Variants in CPNE8 observed in about 807,000 individuals in gnomAD.
CPNE8 encodes copine-8.
A neutral mutation model predicts 81.5 loss-of-function variants in CPNE8; 45 were observed. The ratio of observed to expected loss-of-function variants is 0.55; its 90% CI spans 0.44 to 0.71. The LOEUF (loss-of-function observed/expected upper bound fraction) is 0.71. CPNE8 is among the 30% of genes least tolerant of loss of function. CPNE8 has a pLI of 0.00. For missense variants in CPNE8, 594 were observed against 672.1 expected, an observed-to-expected ratio of 0.88 and a Z score of 1.28; for synonymous variants, 252 against 226.3, an observed-to-expected ratio of 1.11 and a Z score of -1.02.
chr12:38,865,118 A>C (rs375868870), intron 3 of CPNE8, among the ~76,000 whole-genome samples: 13 of 152,186 alleles, frequency 8.5e-5, no homozygotes, highest in African/African-American at 2.9e-4. Context: ...AAAGTAGGAT[A>C]TCTTTACCCA....
At chr12:38,730,447 C>CA (rs531479722) in intron 10 of CPNE8, 89 bp from the exon 11 acceptor site, 4 of 617,980 alleles carry the variant, frequency 6.5e-6, no homozygotes, top group South Asian at 4.6e-5. Context: ...TAATCATTAT[C>CA]AAAAAAATGC....
chr12:38,885,774 G>T (rs1944229459), intron 1 of CPNE8, among the ~76,000 whole-genome samples: 1 of 152,112 alleles, frequency 6.6e-6, no homozygotes, highest in African/African-American at 2.4e-5. Context: ...GGCCGGGTGG[G>T]AGGTGACTGG....
At chr12:38,693,555 T>C (rs1939725543) in intron 15 of CPNE8, 102 bp downstream of exon 15, 1 of 1,016,762 alleles carries the variant, frequency 9.8e-7, no homozygotes, top group Non-Finnish European at 1.4e-6. Context: ...CTACAGTCAG[T>C]AAAGCTTGCT....
intron 1 of CPNE8, among the ~76,000 whole-genome samples, chr12:38,874,771 C>T (rs534501685): frequency 2.6e-5 from 4 of 152,214 alleles, no homozygotes; most frequent in African/African-American, 9.6e-5. Context: ...AATAACATGA[C>T]TCCTTACATC....
chr12:38,905,490 G>T lies in CPNE8; in HGVS notation c.45C>A (p.Asn15Lys). 6.3e-7 allele frequency: 1 copy of T among 1,577,160 alleles called. No homozygotes were observed. Among genetic ancestry groups the T allele is most frequent in the South Asian group, 1.2e-5 (1 of 86,092 alleles). ...YNSTAGIGDL[N>K]QLSAAIPATR... The stretch of plus-strand genomic sequence containing the variant: ...TGGCCGGGATGGCAGCGCTCAGCTG[G>T]TTCAAGTCCCCGATGCCCGCAGTGC... The change falls in exon 1 of 20, where the codon AAC becomes AAA. Residue 15 changes from asparagine (N) to lysine (K), a missense_variant. Transcript: ENST00000331366.
chr12:38,751,037 T>C (rs950754522), intron 10 of CPNE8, among the ~76,000 whole-genome samples: 1 of 152,152 alleles, frequency 6.6e-6, no homozygotes, highest in Non-Finnish European at 1.5e-5. Flanking sequence ...TGAGATCTGA[T>C]GGTTTTGAAA....
chr12:38,704,830 A>G (rs973362752), intron 13 of CPNE8, among the ~76,000 whole-genome samples: 7 of 64,318 alleles, frequency 1.1e-4, no homozygotes, highest in African/African-American at 2.4e-4. Context: ...GTATGTGTAT[A>G]TATATATATA....
intron 19 of CPNE8, among the ~76,000 whole-genome samples, chr12:38,659,183 A>G (rs2455609): frequency 0.097 from 14,677 of 151,386 alleles, 894 homozygotes; most frequent in East Asian, 0.24. Flanking sequence ...TAGGCTCAAA[A>G]TGAAGGGATG....
At chr12:38,798,887 G>C (rs1350244014) in intron 6 of CPNE8, among the ~76,000 whole-genome samples, 1 of 152,046 alleles carries the variant, frequency 6.6e-6, no homozygotes, top group African/African-American at 2.4e-5. Context: ...AAAAAAGGCA[G>C]GGGTTGAAAT....
At chr12:38,793,755 C>T (rs1942386080) in intron 6 of CPNE8, among the ~76,000 whole-genome samples, 1 of 151,810 alleles carries the variant, frequency 6.6e-6, no homozygotes. Context: ...CGAGGGACTC[C>T]AAATAGCCAA....
chr12:38,662,402 T>C (rs1938978861), intron 19 of CPNE8, among the ~76,000 whole-genome samples: 1 of 152,122 alleles, frequency 6.6e-6, no homozygotes, highest in Non-Finnish European at 1.5e-5. Context: ...CAATCTCATT[T>C]ATAATAGCCA....
chr12:38,881,476 AC>A (rs1348649009), intron 1 of CPNE8, among the ~76,000 whole-genome samples: 1 of 152,176 alleles, frequency 6.6e-6, no homozygotes, highest in Non-Finnish European at 1.5e-5. Flanking sequence ...TACCCAACAG[AC>A]ACTAGGGATA....
In CPNE8 at chr12:38,784,670, G is replaced by A. The variant is rs145046936; in HGVS notation, c.408-8369C>T. ...CACACAAAGTGGCTCCAATATGTCCGGCAGCAGACTTTTCAGTGAAATCTT... is the reference window on the plus strand; with the variant it reads ...CACACAAAGTGGCTCCAATATGTCCAGCAGCAGACTTTTCAGTGAAATCTT... On this transcript the variant is annotated intron_variant, in intron 6 of 19. Coordinates refer to ENST00000331366, the MANE Select transcript of CPNE8 (RefSeq NM_153634.3). Among the ~76,000 whole-genome samples, 311 of 152,156 alleles carry A rather than the reference G, an allele frequency of 2.0e-3. 2 individuals carry two copies. The highest frequency in any genetic ancestry group is 7.3e-3 in the African/African-American group (302 of 41,536).
intron 1 of CPNE8, among the ~76,000 whole-genome samples, chr12:38,876,634 T>C (rs1412403017): frequency 6.6e-6 from 1 of 152,222 alleles, no homozygotes; most frequent in Non-Finnish European, 1.5e-5. Flanking sequence ...CTTTGTATAA[T>C]GACAAGTAAA....
chr12:38,834,023 G>A (rs1943342502), intron 5 of CPNE8, among the ~76,000 whole-genome samples: 1 of 152,130 alleles, frequency 6.6e-6, no homozygotes, highest in African/African-American at 2.4e-5. Context: ...GAGCAATGAT[G>A]AGAATGGCAG....
intron 3 of CPNE8, among the ~76,000 whole-genome samples, chr12:38,866,817 C>T (rs1214372493): frequency 6.6e-6 from 1 of 152,120 alleles, no homozygotes; most frequent in East Asian, 1.9e-4. Context: ...TGTTGAGAGG[C>T]TAAATTCGGG....
In CPNE8 at chr12:38,775,767, ACTTCC is replaced by A. The variant is rs1212397283; in HGVS notation, c.471+466_471+470del. Among the ~76,000 whole-genome samples, 6 of 152,160 alleles carry A rather than the reference ACTTCC, an allele frequency of 3.9e-5. No individual in the cohort carries two copies. In the East Asian group the frequency reaches 7.7e-4, roughly 20 times the overall value. On this transcript the variant is annotated intron_variant, in intron 7 of 19. Transcript: ENST00000331366. ...CAGCTAATCCTTTCTTCAAATGTGG[ACTTCC>A]CAAGCTAACAAGAGATGGAACCAAT...
chr12:38,892,886 A>G (rs1944334290), intron 1 of CPNE8, among the ~76,000 whole-genome samples: 2 of 152,332 alleles, frequency 1.3e-5, no homozygotes, highest in South Asian at 4.1e-4. Flanking sequence ...ATTTCTGTTG[A>G]GAGAAAAAAC....
At chr12:38,815,687 C>T (rs913181186) in intron 6 of CPNE8, among the ~76,000 whole-genome samples, 13 of 152,112 alleles carry the variant, frequency 8.5e-5, no homozygotes, top group Admixed American at 7.2e-4. Context: ...AAACACTATG[C>T]TCATCAAAAA....
Sources: allele counts gnomAD v4.1 joint callset (sites outside exome capture counted in the v4.1 genomes callset), GRCh38; gene constraint gnomAD v4.1.1; transcripts MANE v1.5; gene names NCBI Gene and HGNC (gene_info 2026-07-23, HGNC 2026-07-21).